Variants in BBS4 observed in about 807,000 individuals in gnomAD.
BBS4 encodes the protein BBSome complex member BBS4.
Under a neutral mutation model 71.4 loss-of-function variants are expected in BBS4, and 58 were observed. The observed-to-expected ratio is 0.81, with a 90% confidence interval of 0.66 to 1.01. The LOEUF is 1.01. Ranked by LOEUF, BBS4 falls within the 50% of genes least tolerant of loss-of-function variation. The pLI is 0.00. For synonymous variants in BBS4, 228 were observed against 216.8 expected (o/e 1.05, Z -0.46); for missense variants, 660 against 607.9 (o/e 1.09, Z -0.90).
chr15:72,687,002 C>T (rs2064859941), intron 1 of BBS4, among the ~76,000 whole-genome samples: 1 of 151,878 alleles, frequency 6.6e-6, no homozygotes, highest in South Asian at 2.1e-4. Context: ...TGTTTTACAA[C>T]TTAGTTTTGG....
chr15:72,712,899 T>C (rs1333659474), intron 4 of BBS4, among the ~76,000 whole-genome samples: 1 of 152,242 alleles, frequency 6.6e-6, no homozygotes, highest in Non-Finnish European at 1.5e-5. Flanking sequence ...CTTTTTACTT[T>C]ATAAACTTTA....
At chr15:72,737,090 G>A in intron 15 of BBS4, 127 bp downstream of exon 15, 2 of 1,207,696 alleles carry the variant, frequency 1.7e-6, no homozygotes, top group Admixed American at 2.0e-5. Flanking sequence ...GGCCACAAGG[G>A]GAGAAAAAAA....
chr15:72,691,827 G>A (rs2064989352), intron 1 of BBS4, among the ~76,000 whole-genome samples: 1 of 152,178 alleles, frequency 6.6e-6, no homozygotes, highest in South Asian at 2.1e-4. Context: ...GCAGGATGCG[G>A]TGCTGCGCGC....
intron 2 of BBS4, among the ~76,000 whole-genome samples, chr15:72,695,616 C>G (rs2150997922): frequency 6.6e-6 from 1 of 152,248 alleles, no homozygotes; most frequent in East Asian, 1.9e-4. Context: ...ATTCTTTTAT[C>G]TATTCTATAT....
Position 72,688,849 on chromosome 15 carries a change from G to A in BBS4, c.24+2598G>A, listed in dbSNP as rs991233974. 2.0e-5 allele frequency among the ~76,000 whole-genome samples: 3 copies of A among 152,308 alleles called. No homozygotes were observed. The South Asian group carries it at 6.2e-4, about 32-fold the overall frequency. On this transcript the variant is annotated intron_variant, in intron 1 of 15. Transcript: ENST00000268057. ...GCAAAACGCTGGAAGCAAATTAAATGCCCATTAATAGGGTAATTGATGACT... is the reference window on the plus strand; with the variant it reads ...GCAAAACGCTGGAAGCAAATTAAATACCCATTAATAGGGTAATTGATGACT...
At chr15:72,686,596 G>T (rs796352752) in intron 1 of BBS4, 6 of 1,365,326 alleles carry the variant, frequency 4.4e-6, no homozygotes, top group Non-Finnish European at 5.8e-6. Flanking sequence ...GACAGTTCCT[G>T]TTAATCCCGT....
intron 14 of BBS4, 146 bp from the exon 15 acceptor site, chr15:72,736,616 A>G (rs1042932698): frequency 1.8e-5 from 14 of 768,420 alleles, no homozygotes; most frequent in African/African-American, 1.4e-4. Flanking sequence ...TGTAATCTCT[A>G]CTGTTTGATA....
chr15:72,709,011 G>T (rs1160507909), intron 2 of BBS4, among the ~76,000 whole-genome samples: 2 of 152,172 alleles, frequency 1.3e-5, no homozygotes, highest in African/African-American at 2.4e-5. Flanking sequence ...TGTGATCTTT[G>T]TTGGACCCTT....
In BBS4 at chr15:72,736,843, A is replaced by C; in HGVS notation, c.1330A>C (p.Lys444Gln). The change falls in exon 15 of 16, where the codon AAA (lysine) becomes CAA (glutamine). Residue 444 changes from lysine to glutamine, a missense_variant. Lys to Gln is a moderately conservative substitution (Grantham distance 53, BLOSUM62 1). Transcript: ENST00000268057. ...CTGGACCAAACCAGTTAAAGATCCC[A>C]AATCAAAGCACCAGACCACTTCAAC... ...LVWTKPVKDP[K>Q]SKHQTTSTSK... 5 of 1,614,238 alleles carry C rather than the reference A, an allele frequency of 3.1e-6. No homozygotes were observed. The highest frequency in any genetic ancestry group is 4.2e-6 in the Non-Finnish European group (5 of 1,180,042).
chr15:72,714,572 T>A (rs1160433546), intron 4 of BBS4, among the ~76,000 whole-genome samples: 1 of 152,172 alleles, frequency 6.6e-6, no homozygotes, highest in East Asian at 1.9e-4. Flanking sequence ...GCATTCTTAG[T>A]TTTTCCAGGA....
intron 6 of BBS4, chr15:72,717,402 G>A (rs898962535): frequency 6.5e-6 from 1 of 153,920 alleles, no homozygotes; most frequent in Non-Finnish European, 1.4e-5. Flanking sequence ...AGATGTCCAG[G>A]TAAGTAGTTG....
chr15:72,727,994 G>A lies in BBS4; in HGVS notation c.642G>A (p.Gln214=). Residue 214 remains glutamine, a splice_region_variant and synonymous_variant, in exon 9 of 16, where the codon CAG becomes CAA. Coordinates refer to ENST00000268057, the MANE Select transcript of BBS4 (RefSeq NM_033028.5). ...CAACTTTAGGATTACTCTACTTACAGGTAATGAAAACTCTGTACTCATTCA... is the reference window on the plus strand; with the variant it reads ...CAACTTTAGGATTACTCTACTTACAAGTAATGAAAACTCTGTACTCATTCA... The part of the protein sequence containing the change: ...LLTTLGLLYL[Q]LGIYQKAFEH... The A allele has an allele frequency of 1.2e-6, 2 of 1,610,116 alleles. No individual in the cohort carries two copies. The highest frequency in any genetic ancestry group is 1.7e-6 in the Non-Finnish European group (2 of 1,176,428).
chr15:72,737,300 T>C lies in BBS4; in HGVS notation c.1451-178T>C, dbSNP rs138075831. Among the ~76,000 whole-genome samples the C allele has an allele frequency of 2.7e-3, 411 of 152,356 alleles. 2 individuals are homozygous for C. Among genetic ancestry groups the C allele is most frequent in the African/African-American group, 9.0e-3 (374 of 41,592 alleles). ...CACGTAAATATTTTTCAGTGACTCA[T>C]TGAAGGCAAACTTGACTGTTGCTTT... On this transcript the variant is annotated intron_variant, in intron 15 of 15. Transcript: ENST00000268057.
chr15:72,733,093 A>T (rs997256584), intron 12 of BBS4, among the ~76,000 whole-genome samples: 4 of 152,140 alleles, frequency 2.6e-5, no homozygotes, highest in African/African-American at 9.7e-5. Context: ...TATATCTAGG[A>T]ATTAGCTGAC....
intron 1 of BBS4, among the ~76,000 whole-genome samples, chr15:72,688,859 A>G (rs1022552892): frequency 8.5e-5 from 13 of 152,222 alleles, no homozygotes; most frequent in Non-Finnish European, 1.5e-4. Context: ...GCCCATTAAT[A>G]GGGTAATTGA....
chr15:72,706,852 A>G (rs1385806777), intron 2 of BBS4, among the ~76,000 whole-genome samples: 1 of 152,070 alleles, frequency 6.6e-6, no homozygotes, highest in East Asian at 1.9e-4. Flanking sequence ...TAAAAAAATT[A>G]AATTTTTTGT....
Position 72,737,652 on chromosome 15 carries a change from G to A in BBS4, c.*65G>A, listed in dbSNP as rs576340233. On this transcript the variant is annotated 3_prime_UTR_variant, in exon 16 of 16. Coordinates refer to ENST00000268057, the MANE Select transcript of BBS4 (RefSeq NM_033028.5). ...GAGGATGTGCTGGATTAGGAAAGGTGACATGACACAGGCAGAGCAGAGTGG... is the reference window on the plus strand; with the variant it reads ...GAGGATGTGCTGGATTAGGAAAGGTAACATGACACAGGCAGAGCAGAGTGG... 529 of 1,308,674 alleles carry A rather than the reference G, an allele frequency of 4.0e-4. 1 individual carries two copies. Among genetic ancestry groups the A allele is most frequent in the Non-Finnish European group, 5.3e-4 (493 of 932,134 alleles). The allele number at this position is 1,308,674 out of a possible 1,614,324, so 81.1% of individuals were successfully genotyped here. A position where few individuals can be genotyped will look rare whatever the true frequency, so the allele number is the denominator to read the frequency against.
Position 72,736,918 on chromosome 15 carries a change from G to A in BBS4, c.1405G>A (p.Gly469Arg), listed in dbSNP as rs765584663. 3 of 1,614,180 alleles carry A rather than the reference G, an allele frequency of 1.9e-6. No homozygotes were observed. The highest frequency in any genetic ancestry group is 2.2e-5 in the South Asian group (2 of 91,080). ...QQPLGSNQALGQAMSSAAAYR... is the reference protein window; with the variant it reads ...QQPLGSNQALRQAMSSAAAYR... ...GCCTCTGGGCTCTAATCAAGCTCTAGGACAGGCAATGTCTTCAGCAGCTGC... is the reference window on the plus strand; with the variant it reads ...GCCTCTGGGCTCTAATCAAGCTCTAAGACAGGCAATGTCTTCAGCAGCTGC... The change falls in exon 15 of 16, where the codon GGA (glycine) becomes AGA (arginine). Residue 469 changes from glycine to arginine, a missense_variant. Coordinates refer to ENST00000268057, the MANE Select transcript of BBS4 (RefSeq NM_033028.5).
At chr15:72,728,519 T>C (rs1326405581) in intron 9 of BBS4, among the ~76,000 whole-genome samples, 1 of 151,918 alleles carries the variant, frequency 6.6e-6, no homozygotes, top group Non-Finnish European at 1.5e-5. Flanking sequence ...AAAATTCTTA[T>C]GCTATCCAGG....
Sources: allele counts gnomAD v4.1 joint callset (sites outside exome capture counted in the v4.1 genomes callset), GRCh38; gene constraint gnomAD v4.1.1; transcripts MANE v1.5; gene names NCBI Gene and HGNC (gene_info 2026-07-23, HGNC 2026-07-21).